The following TBC1D32 variants were observed in gnomAD, a reference collection of about 807,000 sequenced individuals.
TBC1D32 encodes the protein protein broad-minded.
Under a neutral mutation model 170.3 loss-of-function variants are expected in TBC1D32, and 151 were observed. That is an observed-to-expected ratio of 0.89 (90% confidence interval 0.78 to 1.01). The LOEUF (loss-of-function observed/expected upper bound fraction) is 1.01, where lower values mean the gene tolerates loss of function less well. Among genes scored for constraint, TBC1D32 ranks in the 50% least tolerant of loss-of-function variants. The pLI, the probability that TBC1D32 is intolerant of heterozygous loss-of-function variation, is 0.00. For synonymous variants in TBC1D32, 498 were observed against 488.0 expected, an observed-to-expected ratio of 1.02 and a Z score of -0.27; for missense variants, 1,464 against 1,457.1, an observed-to-expected ratio of 1.00 and a Z score of -0.08.
chr6:121,126,412 T>A lies in TBC1D32; in HGVS notation c.2949A>T (p.Pro983=), dbSNP rs1275226741. ...CCACTGAAGGGAAGTAGCATTCAGA[T>A]GGGCTTTCAGTGAGATGAAGCACAA... The part of the protein sequence containing the change: ...EKFVLHLTES[P]SECYFPSVEY... The change falls in exon 26 of 32, where the codon CCA becomes CCT. Residue 983 remains proline (P), a synonymous_variant. Coordinates refer to ENST00000398212, the MANE Select transcript of TBC1D32 (RefSeq NM_152730.6). The A allele has an allele frequency of 1.9e-6, 3 of 1,612,878 alleles. No homozygotes were observed. The Admixed American group carries it at 5.0e-5, about 27-fold the overall frequency.
chr6:121,334,081 G>A (rs1163205908), intron 1 of TBC1D32, among the ~76,000 whole-genome samples, 195 bp downstream of exon 1: 1 of 152,066 alleles, frequency 6.6e-6, no homozygotes, highest in Non-Finnish European at 1.5e-5. Flanking sequence ...AATATAGAGA[G>A]AAAGAGGCGG....
intron 15 of TBC1D32, among the ~76,000 whole-genome samples, chr6:121,278,060 G>A (rs1802469895): frequency 6.6e-6 from 1 of 152,066 alleles, no homozygotes; most frequent in African/African-American, 2.4e-5. Flanking sequence ...ATTCACATAA[G>A]AGCAAGTAGG....
At position 121,137,994 on chromosome 6, in the gene TBC1D32, A is replaced by T. The variant is rs555256854; in HGVS notation, c.2774-6242T>A. 3.9e-5 allele frequency among the ~76,000 whole-genome samples: 6 copies of T among 152,188 alleles called. 1 individual carries two copies. In the East Asian group the frequency reaches 1.2e-3, roughly 29 times the overall value. ...GCTTAATTTAGATAGCCAACATTGT[A>T]TTATCCTGAAGTTTATTTTTGTGTT... On this transcript the variant is annotated intron_variant, in intron 24 of 31. Transcript: ENST00000398212.
intron 22 of TBC1D32, among the ~76,000 whole-genome samples, chr6:121,168,811 G>T (rs1306866406): frequency 1.3e-5 from 2 of 149,532 alleles, no homozygotes; most frequent in African/African-American, 4.9e-5. Context: ...ATGAACTCCT[G>T]TTCACAACTG....
At chr6:121,081,498 G>A (rs954867551) in intron 31 of TBC1D32, among the ~76,000 whole-genome samples, 1 of 151,904 alleles carries the variant, frequency 6.6e-6, no homozygotes, top group African/African-American at 2.4e-5. Context: ...CTACACTCAA[G>A]GCAAAACAAA....
intron 29 of TBC1D32, among the ~76,000 whole-genome samples, chr6:121,110,728 T>C (rs1034843294): frequency 6.6e-6 from 1 of 151,600 alleles, no homozygotes; most frequent in Non-Finnish European, 1.5e-5. Flanking sequence ...GAATGTACTA[T>C]CAAGTCAAGT....
At chr6:121,308,767 C>T (rs1449980696) in intron 4 of TBC1D32, among the ~76,000 whole-genome samples, 1 of 131,610 alleles carries the variant, frequency 7.6e-6, no homozygotes, top group African/African-American at 3.0e-5. Flanking sequence ...GCAATCTCGG[C>T]TCGCTGCAGA....
intron 15 of TBC1D32, among the ~76,000 whole-genome samples, chr6:121,264,554 A>G (rs1238172939): frequency 2.6e-5 from 4 of 152,196 alleles, no homozygotes; most frequent in African/African-American, 9.7e-5. Context: ...ATTCCTTCCT[A>G]ACTCATTTTA....
intron 31 of TBC1D32, among the ~76,000 whole-genome samples, chr6:121,086,361 C>A (rs1046833267): frequency 6.6e-6 from 1 of 152,114 alleles, no homozygotes; most frequent in Non-Finnish European, 1.5e-5. Context: ...CTGCAAAACA[C>A]AGCTGACAGT....
intron 26 of TBC1D32, among the ~76,000 whole-genome samples, chr6:121,124,559 C>T (rs1387366636): frequency 6.6e-6 from 1 of 151,946 alleles, no homozygotes; most frequent in Admixed American, 6.6e-5. Context: ...TGTATCTAGT[C>T]ATCTGTACAT....
At chr6:121,250,419 A>C (rs1798142788) in intron 17 of TBC1D32, among the ~76,000 whole-genome samples, 1 of 152,178 alleles carries the variant, frequency 6.6e-6, no homozygotes, top group Non-Finnish European at 1.5e-5. Flanking sequence ...CTGGGAAGCA[A>C]GGATGGTTCA....
At chr6:121,294,898 G>C (rs1583616697) in intron 10 of TBC1D32, among the ~76,000 whole-genome samples, 1 of 151,990 alleles carries the variant, frequency 6.6e-6, no homozygotes, top group East Asian at 1.9e-4. Context: ...TTATAATGTT[G>C]GTGTCATTGG....
intron 15 of TBC1D32, among the ~76,000 whole-genome samples, chr6:121,258,320 A>G (rs1799308125): frequency 6.6e-6 from 1 of 152,182 alleles, no homozygotes; most frequent in Non-Finnish European, 1.5e-5. Context: ...AATCAAAATT[A>G]GATTATTTGA....
At chr6:121,334,203 A>G in intron 1 of TBC1D32, 73 bp downstream of exon 1, 1 of 1,238,346 alleles carries the variant, frequency 8.1e-7, no homozygotes, top group East Asian at 2.4e-5. Flanking sequence ...AAATAAATTA[A>G]CACTGTTGAC....
At chr6:121,267,334 G>A (rs915813395) in intron 15 of TBC1D32, among the ~76,000 whole-genome samples, 6 of 152,274 alleles carry the variant, frequency 3.9e-5, no homozygotes, top group Admixed American at 2.0e-4. Flanking sequence ...CCTTGAAAGC[G>A]AAGCCCAAGG....
At chr6:121,176,088 C>A (rs1055415569) in intron 22 of TBC1D32, among the ~76,000 whole-genome samples, 1 of 151,898 alleles carries the variant, frequency 6.6e-6, no homozygotes, top group African/African-American at 2.4e-5. Context: ...GGGAAGGGAA[C>A]AACGAACAAA....
chr6:121,286,878 C>T (rs1052048446), intron 12 of TBC1D32, among the ~76,000 whole-genome samples: 16 of 152,268 alleles, frequency 1.1e-4, no homozygotes, highest in African/African-American at 3.9e-4. Flanking sequence ...ATTTTCAACC[C>T]AGAATTTCAT....
At position 121,129,398 on chromosome 6, in the gene TBC1D32, A is replaced by G. The variant is rs892925623; in HGVS notation, c.2899+2229T>C. On this transcript the variant is annotated intron_variant, in intron 25 of 31. Coordinates refer to ENST00000398212, the MANE Select transcript of TBC1D32 (RefSeq NM_152730.6). ...TGATATTCAGTAGGTTAGGTATGTTAAACGCATTTTCAACTTATGATGCAT... is the reference window on the plus strand; with the variant it reads ...TGATATTCAGTAGGTTAGGTATGTTGAACGCATTTTCAACTTATGATGCAT... 2.0e-5 allele frequency among the ~76,000 whole-genome samples: 3 copies of G among 152,214 alleles called. 1 individual carries two copies. The South Asian group carries it at 6.2e-4, about 31-fold the overall frequency.
intron 24 of TBC1D32, among the ~76,000 whole-genome samples, chr6:121,145,442 T>G: frequency 6.6e-6 from 1 of 151,856 alleles, no homozygotes; most frequent in African/African-American, 2.4e-5. Flanking sequence ...GGGCATAGAA[T>G]GGTTACCAGA....
Sources: allele counts gnomAD v4.1 joint callset (sites outside exome capture counted in the v4.1 genomes callset), GRCh38; gene constraint gnomAD v4.1.1; transcripts MANE v1.5; gene names NCBI Gene and HGNC (gene_info 2026-07-23, HGNC 2026-07-21).